GLIS3: variants seen among roughly 807,000 people sequenced by gnomAD.
GLIS3 encodes GLIS family zinc finger 3, also known as zinc finger protein GLIS3.
A neutral mutation model predicts 78.6 loss-of-function variants in GLIS3; 53 were observed. The observed-to-expected ratio is 0.67, with a 90% confidence interval of 0.54 to 0.85. The LOEUF is 0.85. Among genes scored for constraint, GLIS3 ranks in the 40% least tolerant of loss-of-function variants. The pLI, the probability that GLIS3 is intolerant of heterozygous loss-of-function variation, is 0.00. For synonymous variants in GLIS3, 684 were observed against 509.9 expected (o/e 1.34, Z -4.60); for missense variants, 1,703 against 1,231.1 (o/e 1.38, Z -5.74).
chr9:4,225,222 C>T lies in GLIS3; in HGVS notation c.388+60816G>A, dbSNP rs953925962. Among the ~76,000 whole-genome samples the T allele has an allele frequency of 5.9e-5, 9 of 152,200 alleles. 1 individual carries two copies. The highest frequency in any genetic ancestry group is 5.2e-4 in the Admixed American group (8 of 15,272). ...CTAAGTCTTGCATTTTCCCCTACAACTGCAAAAGGTTGACTCTCATATACT... is the reference window on the plus strand; with the variant it reads ...CTAAGTCTTGCATTTTCCCCTACAATTGCAAAAGGTTGACTCTCATATACT... On this transcript the variant is annotated intron_variant, in intron 2 of 10. Transcript: ENST00000381971.
chr9:4,255,682 A>G (rs1431167042), intron 2 of GLIS3, among the ~76,000 whole-genome samples: 1 of 152,188 alleles, frequency 6.6e-6, no homozygotes, highest in Non-Finnish European at 1.5e-5. Context: ...GAGAGTAAAA[A>G]GATCAGTGGT....
intron 4 of GLIS3, among the ~76,000 whole-genome samples, chr9:3,942,715 C>G (rs574961257): frequency 6.6e-6 from 1 of 152,346 alleles, no homozygotes; most frequent in South Asian, 2.1e-4. Flanking sequence ...TCTGCCTCAG[C>G]AGGGCTGGGT....
the GLIS3 span, among the ~76,000 whole-genome samples, chr9:4,355,197 G>A: frequency 3.9e-5 from 6 of 152,052 alleles, no homozygotes; most frequent in Non-Finnish European, 1.5e-5. Context: ...AGTAGAGTTG[G>A]AAAGTGTCCT....
the GLIS3 span, among the ~76,000 whole-genome samples, chr9:4,419,694 C>T: frequency 6.6e-6 from 1 of 152,146 alleles, no homozygotes; most frequent in Admixed American, 6.5e-5. Context: ...GCAGGAGAAT[C>T]GCTTGAACCC....
chr9:4,224,843 G>C (rs1481291513), intron 2 of GLIS3, among the ~76,000 whole-genome samples: 1 of 151,070 alleles, frequency 6.6e-6, no homozygotes, highest in African/African-American at 2.4e-5. Flanking sequence ...TTCTTTTAGT[G>C]ACTTGCACTT....
At position 4,117,028 on chromosome 9, in the gene GLIS3, G is replaced by C. The variant is rs151257099; in HGVS notation, c.1710+740C>G. Among the ~76,000 whole-genome samples, 3 of 152,292 alleles carry C rather than the reference G, an allele frequency of 2.0e-5. No individual in the cohort carries two copies. The East Asian group carries it at 5.8e-4, about 29-fold the overall frequency. ...ATAGTAAATTTTGCCAAGAAACAGA[G>C]AGAGTTCCAGGATGGATGCTGTGAA... On this transcript the variant is annotated intron_variant, in intron 4 of 10. Coordinates refer to ENST00000381971, the MANE Select transcript of GLIS3 (RefSeq NM_001042413.2).
intron 4 of GLIS3, among the ~76,000 whole-genome samples, chr9:4,017,652 CAGG>C (rs762421853): frequency 1.3e-5 from 2 of 152,248 alleles, no homozygotes; most frequent in Admixed American, 6.5e-5. Context: ...TGGGGATTTT[CAGG>C]AGGAGAAGAG....
the GLIS3 span, among the ~76,000 whole-genome samples, chr9:4,469,297 C>T: frequency 1.3e-5 from 2 of 152,196 alleles, no homozygotes; most frequent in Non-Finnish European, 2.9e-5. Flanking sequence ...TAATAGACAT[C>T]TACAGAACCC....
At chr9:4,412,923 T>A in the GLIS3 span, among the ~76,000 whole-genome samples, 3 of 152,194 alleles carry the variant, frequency 2.0e-5, no homozygotes, top group Admixed American at 2.0e-4. Flanking sequence ...GAAAGACCTA[T>A]GTCAGCTTGG....
intron 6 of GLIS3, among the ~76,000 whole-genome samples, chr9:3,913,895 A>C (rs1190549879): frequency 6.6e-6 from 1 of 152,230 alleles, no homozygotes; most frequent in East Asian, 1.9e-4. Context: ...ATAAATGTTT[A>C]GGGAATGTGT....
At chr9:4,088,760 A>G (rs909500639) in intron 4 of GLIS3, among the ~76,000 whole-genome samples, 1 of 152,250 alleles carries the variant, frequency 6.6e-6, no homozygotes. Context: ...GCCTTTTACT[A>G]TGACGGAAAT....
intron 4 of GLIS3, among the ~76,000 whole-genome samples, chr9:4,069,916 T>C (rs949584349): frequency 6.6e-6 from 1 of 152,000 alleles, no homozygotes; most frequent in Admixed American, 6.6e-5. Context: ...CCTGTGGATG[T>C]CAGGAAGATA....
At chr9:4,286,955 C>T (rs973010004) in intron 1 of GLIS3, among the ~76,000 whole-genome samples, 1 of 152,212 alleles carries the variant, frequency 6.6e-6, no homozygotes, top group African/African-American at 2.4e-5. Flanking sequence ...ACAAAGCAGA[C>T]ATGGCTTCTA....
the GLIS3 span, among the ~76,000 whole-genome samples, chr9:4,456,542 T>C: frequency 6.6e-6 from 1 of 152,244 alleles, no homozygotes; most frequent in Non-Finnish European, 1.5e-5. Flanking sequence ...GCAGTAGCAC[T>C]TCTAATTTCT....
At chr9:3,849,135 G>A (rs1165704303) in intron 9 of GLIS3, among the ~76,000 whole-genome samples, 1 of 152,102 alleles carries the variant, frequency 6.6e-6, no homozygotes, top group Non-Finnish European at 1.5e-5. Context: ...ACTCCAGAGG[G>A]ATGCAAAATA....
intron 2 of GLIS3, among the ~76,000 whole-genome samples, chr9:4,158,465 T>C (rs6476811): frequency 0.98 from 149,400 of 152,314 alleles, 73,347 homozygotes; most frequent in Non-Finnish European, 1. Flanking sequence ...GAGCTTCATT[T>C]ACCTAAGCAG....
the GLIS3 span, among the ~76,000 whole-genome samples, chr9:4,480,200 CTTTTTT>C: frequency 2.4e-4 from 23 of 93,890 alleles, no homozygotes; most frequent in South Asian, 8.0e-3. Flanking sequence ...GCTGGGCTTT[CTTTTTT>C]TTTTTTTTTT....
At chr9:4,488,998 C>T in the GLIS3 span, among the ~76,000 whole-genome samples, 2 of 152,174 alleles carry the variant, frequency 1.3e-5, no homozygotes, top group African/African-American at 4.8e-5. Context: ...TCCCAAGTAG[C>T]TGCGACTACA....
At chr9:4,418,068 T>C in the GLIS3 span, among the ~76,000 whole-genome samples, 3 of 152,196 alleles carry the variant, frequency 2.0e-5, no homozygotes, top group Non-Finnish European at 2.9e-5. Context: ...TCCACACATA[T>C]CCATCTTAGG....
Sources: gnomAD v4.1 joint callset for allele counts (sites outside exome capture counted in the v4.1 genomes callset) on GRCh38, gnomAD v4.1.1 for gene constraint, MANE v1.5 for transcripts, NCBI Gene and HGNC (gene_info 2026-07-23, HGNC 2026-07-21) for gene names.